Variants in TPRG1 observed in about 807,000 individuals in gnomAD.
TPRG1 encodes the protein tumor protein p63 regulated 1.
In TPRG1, 29 loss-of-function variants were observed where a neutral mutation model predicts 29.3. The observed-to-expected ratio is 0.99, with a 90% CI of 0.74 to 1.35. The LOEUF (loss-of-function observed/expected upper bound fraction) is 1.35. TPRG1 is among the 40% of genes most tolerant of loss of function. The pLI, the probability that TPRG1 is intolerant of heterozygous loss-of-function variation, is 0.00. For missense variants in TPRG1, 327 were observed against 335.0 expected (o/e 0.98, Z 0.19); for synonymous variants, 130 against 116.8 (o/e 1.11, Z -0.73).
chr3:189,004,032 A>G (rs1480539300), intron 2 of TPRG1, among the ~76,000 whole-genome samples: 4 of 152,294 alleles, frequency 2.6e-5, no homozygotes, highest in Admixed American at 1.3e-4. Flanking sequence ...TAAACATTAT[A>G]AGTGAATCCG....
intron 4 of TPRG1, among the ~76,000 whole-genome samples, chr3:189,267,431 T>C (rs1161056449): frequency 6.6e-6 from 1 of 152,178 alleles, no homozygotes; most frequent in East Asian, 1.9e-4. Context: ...AAACTAATTT[T>C]CATATAAAGC....
intron 4 of TPRG1, among the ~76,000 whole-genome samples, chr3:189,298,158 G>T (rs543699452): frequency 1.3e-5 from 2 of 152,260 alleles, no homozygotes; most frequent in South Asian, 4.1e-4. Flanking sequence ...AGGTGAATCA[G>T]CTCTATTTCA....
chr3:189,000,339 A>G (rs1404156144), intron 1 of TPRG1, among the ~76,000 whole-genome samples: 3 of 152,122 alleles, frequency 2.0e-5, no homozygotes, highest in Admixed American at 2.0e-4. Flanking sequence ...ATATTTTTAA[A>G]GGGCTAATTT....
chr3:189,231,414 C>T (rs181688744), intron 3 of TPRG1, among the ~76,000 whole-genome samples: 2 of 152,160 alleles, frequency 1.3e-5, no homozygotes, highest in Admixed American at 1.3e-4. Context: ...ATTTACTTCA[C>T]TCACCCCCTC....
intron 3 of TPRG1, among the ~76,000 whole-genome samples, chr3:189,232,911 A>G (rs16864124): frequency 0.029 from 4,449 of 152,216 alleles, 77 homozygotes; most frequent in South Asian, 0.05. Flanking sequence ...AGTGCCGTGC[A>G]TTTTTCATCT....
At chr3:189,022,107 AT>A (rs1218595129) in intron 3 of TPRG1, among the ~76,000 whole-genome samples, 1 of 151,868 alleles carries the variant, frequency 6.6e-6, no homozygotes, top group Non-Finnish European at 1.5e-5. Context: ...ACTTCTCTGT[AT>A]TGGTTATTCT....
At chr3:189,183,972 G>C (rs1317540022) in intron 1 of TPRG1, among the ~76,000 whole-genome samples, 2 of 151,868 alleles carry the variant, frequency 1.3e-5, no homozygotes, top group African/African-American at 4.8e-5. Context: ...AAGTGTCCAT[G>C]AAATCTTCAC....
chr3:189,315,158 C>CT (rs1489705859), intron 5 of TPRG1, among the ~76,000 whole-genome samples: 1 of 151,674 alleles, frequency 6.6e-6, no homozygotes, highest in Non-Finnish European at 1.5e-5. Context: ...GATTTTGTCT[C>CT]TTTAAAAAAA....
intron 3 of TPRG1, among the ~76,000 whole-genome samples, chr3:189,134,419 T>TAA (rs1723482029): frequency 2.1e-5 from 3 of 142,962 alleles, no homozygotes; most frequent in Non-Finnish European, 1.5e-5. Flanking sequence ...TTTTTTTTTT[T>TAA]TTTTTTTTTT....
At chr3:189,296,668 G>A (rs576295461) in intron 4 of TPRG1, among the ~76,000 whole-genome samples, 16 of 152,272 alleles carry the variant, frequency 1.1e-4, no homozygotes, top group Admixed American at 6.5e-4. Context: ...AGAAGAAGGC[G>A]AAGCAATTGG....
At chr3:189,066,196 A>C (rs1419221121) in intron 4 of TPRG1, among the ~76,000 whole-genome samples, 1 of 152,150 alleles carries the variant, frequency 6.6e-6, no homozygotes, top group Non-Finnish European at 1.5e-5. Context: ...AGCAAAGGAA[A>C]CCCTGGGACC....
chr3:189,101,013 C>A (rs1476383137), intron 1 of TPRG1, among the ~76,000 whole-genome samples: 3 of 152,210 alleles, frequency 2.0e-5, no homozygotes, highest in African/African-American at 7.2e-5. Flanking sequence ...AATTTGAAGG[C>A]CATGCACTCT....
At chr3:189,107,143 T>C (rs1290368756) in intron 1 of TPRG1, among the ~76,000 whole-genome samples, 1 of 152,088 alleles carries the variant, frequency 6.6e-6, no homozygotes, top group African/African-American at 2.4e-5. Context: ...GGTACAGATA[T>C]TTCCCATTTA....
intron 4 of TPRG1, among the ~76,000 whole-genome samples, chr3:189,051,765 G>C (rs1013492539): frequency 2.0e-5 from 3 of 152,170 alleles, no homozygotes; most frequent in African/African-American, 7.2e-5. Context: ...CAATGGAACA[G>C]AATAGAGAAC....
chr3:189,152,470 T>C (rs796955467), intron 5 of TPRG1, among the ~76,000 whole-genome samples: 48 of 152,236 alleles, frequency 3.2e-4, no homozygotes, highest in African/African-American at 1.2e-3. Flanking sequence ...TGTGTGATGG[T>C]GGGACAGGCA....
rs562149864 is a variant in TPRG1 at position 189,161,206 on chromosome 3, G to A, written c.-10+10334G>A. Among the ~76,000 whole-genome samples the A allele has an allele frequency of 2.0e-5, 3 of 152,340 alleles. No individual in the cohort carries two copies. The East Asian group carries it at 5.8e-4, about 29-fold the overall frequency. ...GACATACAACTGTAGAGGTAATCGA[G>A]TATGGAATTATCATGGGGGTTAGGG... On this transcript the variant is annotated intron_variant, in intron 5 of 6. Coordinates refer to the TPRG1 transcript ENST00000412373.
chr3:188,997,442 A>C (rs1711873779), intron 1 of TPRG1, among the ~76,000 whole-genome samples: 1 of 152,170 alleles, frequency 6.6e-6, no homozygotes, highest in Admixed American at 6.5e-5. Context: ...TTTTAAATAC[A>C]TCAAACTCTG....
rs117241051 is a variant in TPRG1 at position 189,016,674 on chromosome 3, T to A, written c.-659-7076T>A. ...TTATGGGGGTGGACTCCTATCTTGC[T>A]ATTCTTGTAATAGTGAGTGAGTTCT... On this transcript the variant is annotated intron_variant, in intron 3 of 10. Coordinates refer to the TPRG1 transcript ENST00000433971. Among the ~76,000 whole-genome samples, 1,165 of 152,200 alleles carry A rather than the reference T, an allele frequency of 7.7e-3. 33 individuals are homozygous for A. In the East Asian group the frequency reaches 0.09, roughly 12 times the overall value.
At chr3:189,025,971 T>C (rs1383399692) in intron 4 of TPRG1, among the ~76,000 whole-genome samples, 1 of 152,212 alleles carries the variant, frequency 6.6e-6, no homozygotes, top group Non-Finnish European at 1.5e-5. Context: ...TTAAAATATT[T>C]TTAGGCCCTT....
Sources: allele counts gnomAD v4.1 joint callset (sites outside exome capture counted in the v4.1 genomes callset), GRCh38; gene constraint gnomAD v4.1.1; transcripts MANE v1.5; gene names NCBI Gene and HGNC (gene_info 2026-07-23, HGNC 2026-07-21).